Variants in AOPEP observed in about 807,000 individuals in gnomAD.
AOPEP encodes aminopeptidase O.
A neutral mutation model predicts 98.1 loss-of-function variants in AOPEP; 77 were observed. The ratio of observed to expected loss-of-function variants is 0.78; its 90% CI spans 0.65 to 0.95. The LOEUF (loss-of-function observed/expected upper bound fraction) is 0.95. AOPEP is among the 40% of genes least tolerant of loss of function. AOPEP has a pLI of 0.00. For synonymous variants in AOPEP, 346 were observed against 365.3 expected (o/e 0.95, Z 0.60); for missense variants, 1,024 against 1,024.7 (o/e 1.00, Z 0.01).
chr9:94,804,555 C>T (rs964508758), intron 5 of AOPEP, among the ~76,000 whole-genome samples: 7 of 152,116 alleles, frequency 4.6e-5, no homozygotes, highest in Admixed American at 3.3e-4. Context: ...ATAGTGTGGC[C>T]GATGACAGGT....
rs2069533784 is a variant in AOPEP at position 95,079,846 on chromosome 9, T to C, written c.2233-848T>C. Among the ~76,000 whole-genome samples, 3 of 152,256 alleles carry C rather than the reference T, an allele frequency of 2.0e-5. No individual in the cohort carries two copies. The South Asian group carries it at 6.2e-4, about 31-fold the overall frequency. ...AATGTTGTGCAAACCTACACACCTG[T>C]GGATACACAGCAGGAACTATCCACT... On this transcript the variant is annotated intron_variant, in intron 14 of 16. Transcript: ENST00000375315.
intron 1 of AOPEP, among the ~76,000 whole-genome samples, chr9:94,744,767 TTTAAA>T (rs1482360882): frequency 6.6e-6 from 1 of 151,668 alleles, no homozygotes; most frequent in Non-Finnish European, 1.5e-5. Context: ...AATTATTTAG[TTTAAA>T]TTATATCTAA....
At chr9:94,746,298 C>T (rs572189668) in intron 1 of AOPEP, among the ~76,000 whole-genome samples, 29 of 152,256 alleles carry the variant, frequency 1.9e-4, no homozygotes, top group Admixed American at 1.4e-3. Flanking sequence ...ATGGATATCT[C>T]GGTTAAGAAC....
chr9:95,067,142 T>A (rs1384312094), intron 14 of AOPEP, among the ~76,000 whole-genome samples: 1 of 152,084 alleles, frequency 6.6e-6, no homozygotes, highest in African/African-American at 2.4e-5. Flanking sequence ...TCTCTAGAAC[T>A]GTGGCACACC....
At chr9:94,766,979 A>T (rs1415623691) in intron 2 of AOPEP, among the ~76,000 whole-genome samples, 4 of 152,176 alleles carry the variant, frequency 2.6e-5, no homozygotes, top group Non-Finnish European at 5.9e-5. Context: ...ACCAGATGTT[A>T]AAACATGTTC....
the AOPEP span, chr9:95,114,810 C>A: frequency 1.0e-6 from 1 of 990,558 alleles, no homozygotes; most frequent in Non-Finnish European, 1.6e-6. Context: ...GGGAGACGCC[C>A]TTTACTTCTG....
chr9:94,755,952 G>A (rs570391782), intron 1 of AOPEP, among the ~76,000 whole-genome samples: 39 of 152,270 alleles, frequency 2.6e-4, no homozygotes, highest in South Asian at 2.5e-3. Context: ...TGAAGTTGTT[G>A]ATTGTTTTTA....
At chr9:95,004,397 C>CG (rs1301086219) in intron 11 of AOPEP, 1 of 403,314 alleles carries the variant, frequency 2.5e-6, no homozygotes, top group Non-Finnish European at 5.1e-6. Flanking sequence ...GGTCCACACT[C>CG]GCGGGAGCGC....
At chr9:95,115,208 C>T in the AOPEP span, among the ~76,000 whole-genome samples, 1 of 152,104 alleles carries the variant, frequency 6.6e-6, no homozygotes, top group Non-Finnish European at 1.5e-5. Flanking sequence ...TCCCAAAGTG[C>T]TGGAATTACA....
intron 13 of AOPEP, among the ~76,000 whole-genome samples, chr9:95,031,049 C>T (rs1388938466): frequency 6.6e-6 from 1 of 152,138 alleles, no homozygotes; most frequent in Non-Finnish European, 1.5e-5. Flanking sequence ...CTGGCTTTTC[C>T]GACCCTTCTC....
chr9:95,028,726 G>A (rs998071543), intron 13 of AOPEP, among the ~76,000 whole-genome samples: 8 of 152,194 alleles, frequency 5.3e-5, no homozygotes, highest in Admixed American at 2.0e-4. Context: ...TCTCCAGGCA[G>A]CCCATTGCTT....
intron 5 of AOPEP, among the ~76,000 whole-genome samples, chr9:94,907,994 C>G (rs1020623472): frequency 2.0e-5 from 3 of 152,130 alleles, no homozygotes; most frequent in Non-Finnish European, 4.4e-5. Context: ...CCTCACTTTT[C>G]CTGAGAGGGG....
chr9:94,775,783 G>A (rs1841954889), intron 3 of AOPEP, among the ~76,000 whole-genome samples: 1 of 152,022 alleles, frequency 6.6e-6, no homozygotes, highest in African/African-American at 2.4e-5. Context: ...GACCATTCTG[G>A]CTAACACGGT....
At chr9:94,800,098 G>C (rs919831360) in intron 4 of AOPEP, among the ~76,000 whole-genome samples, 1 of 152,180 alleles carries the variant, frequency 6.6e-6, no homozygotes, top group Non-Finnish European at 1.5e-5. Context: ...TCCTTAAAAG[G>C]CTGGCTCAGT....
At chr9:95,042,078 C>T (rs768553701) in intron 13 of AOPEP, among the ~76,000 whole-genome samples, 20 of 152,136 alleles carry the variant, frequency 1.3e-4, no homozygotes, top group Admixed American at 7.2e-4. Context: ...TTTGGGAGGC[C>T]GAGGCGGGCG....
In AOPEP at chr9:94,844,118, C is replaced by T. The variant is rs192223926; in HGVS notation, c.1364+43116C>T. ...GTCGCCCAGCTGGAGTACAATGATGCGATCTCGGCTCACTGCAACCTCCAT... is the reference window on the plus strand; with the variant it reads ...GTCGCCCAGCTGGAGTACAATGATGTGATCTCGGCTCACTGCAACCTCCAT... On this transcript the variant is annotated intron_variant, in intron 5 of 16. Coordinates refer to ENST00000375315, the MANE Select transcript of AOPEP (RefSeq NM_001193329.3). Among the ~76,000 whole-genome samples, 293 of 152,158 alleles carry T rather than the reference C, an allele frequency of 1.9e-3. 1 individual carries two copies. The highest frequency in any genetic ancestry group is 2.9e-3 in the Non-Finnish European group (194 of 68,000).
intron 5 of AOPEP, among the ~76,000 whole-genome samples, chr9:94,832,577 C>G (rs1856227341): frequency 1.3e-5 from 2 of 152,136 alleles, no homozygotes; most frequent in South Asian, 4.1e-4. Context: ...CATATACACA[C>G]AGTTGTTTTT....
chr9:94,901,530 C>T (rs1273331302), intron 5 of AOPEP, among the ~76,000 whole-genome samples: 6 of 152,206 alleles, frequency 3.9e-5, no homozygotes. Context: ...GGACTCCTCG[C>T]TGCTTCTCAG....
At chr9:94,779,323 C>T (rs565233581) in intron 3 of AOPEP, among the ~76,000 whole-genome samples, 1 of 152,316 alleles carries the variant, frequency 6.6e-6, no homozygotes, top group South Asian at 2.1e-4. Context: ...GTGATAACTC[C>T]ACCTCCCAAG....
Sources: gnomAD v4.1 joint callset for allele counts (sites outside exome capture counted in the v4.1 genomes callset) on GRCh38, gnomAD v4.1.1 for gene constraint, MANE v1.5 for transcripts, NCBI Gene and HGNC (gene_info 2026-07-23, HGNC 2026-07-21) for gene names.